Variants in RGS22 observed in about 807,000 individuals in gnomAD.
The protein encoded by RGS22 is regulator of G-protein signaling 22.
In RGS22, 148 loss-of-function variants were observed where a neutral mutation model predicts 172.9. The observed-to-expected ratio is 0.86, with a 90% confidence interval of 0.75 to 0.98. RGS22 has a LOEUF of 0.98. RGS22 is among the 50% of genes least tolerant of loss of function. The probability of loss-of-function intolerance (pLI) is 0.00; values close to 1 mark genes in which losing one functional copy is unlikely to be tolerated. For missense variants in RGS22, 1,347 were observed against 1,440.8 expected, an observed-to-expected ratio of 0.93 and a Z score of 1.05; for synonymous variants, 458 against 480.2, an observed-to-expected ratio of 0.95 and a Z score of 0.60.
intron 23 of RGS22, among the ~76,000 whole-genome samples, chr8:99,976,076 G>C (rs1384082850): frequency 1.3e-5 from 2 of 152,002 alleles, no homozygotes; most frequent in Non-Finnish European, 2.9e-5. Flanking sequence ...TGTAGTCCCA[G>C]CTACTCAGGA....
At chr8:99,975,979 C>A (rs1384957285) in intron 23 of RGS22, among the ~76,000 whole-genome samples, 1 of 152,268 alleles carries the variant, frequency 6.6e-6, no homozygotes, top group Non-Finnish European at 1.5e-5. Context: ...CACTGGAGGT[C>A]AAGAGTTCGC....
At chr8:100,090,805 A>C (rs1812520881) in intron 3 of RGS22, among the ~76,000 whole-genome samples, 1 of 152,164 alleles carries the variant, frequency 6.6e-6, no homozygotes, top group Admixed American at 6.6e-5. Flanking sequence ...GTTGGAAAGT[A>C]AGTAGAGAAA....
intron 18 of RGS22, among the ~76,000 whole-genome samples, chr8:100,000,497 G>A (rs1012645816): frequency 6.6e-6 from 1 of 152,108 alleles, no homozygotes; most frequent in Non-Finnish European, 1.5e-5. Context: ...ACATCCTTAA[G>A]TATAAAATAC....
chr8:100,059,377 G>A (rs139771910), intron 9 of RGS22, among the ~76,000 whole-genome samples: 21 of 151,786 alleles, frequency 1.4e-4, no homozygotes, highest in African/African-American at 5.1e-4. Flanking sequence ...CATTGATATG[G>A]TGCCTACAAG....
intron 23 of RGS22, among the ~76,000 whole-genome samples, chr8:99,972,700 A>G (rs1811493019): frequency 6.6e-6 from 1 of 152,204 alleles, no homozygotes; most frequent in Non-Finnish European, 1.5e-5. Flanking sequence ...AACCACAATG[A>G]GATACCATCT....
intron 11 of RGS22, among the ~76,000 whole-genome samples, chr8:100,045,398 C>T (rs1820609695): frequency 6.6e-6 from 1 of 152,186 alleles, no homozygotes; most frequent in Admixed American, 6.5e-5. Flanking sequence ...AAATTAAAAT[C>T]ATCTGCCTCC....
At chr8:100,026,624 A>G (rs937859357) in intron 14 of RGS22, among the ~76,000 whole-genome samples, 1 of 152,238 alleles carries the variant, frequency 6.6e-6, no homozygotes, top group Non-Finnish European at 1.5e-5. Flanking sequence ...AGTATTTTCA[A>G]GCTGTCATAT....
In RGS22 at chr8:100,038,854, C is replaced by T. The variant is rs142118500; in HGVS notation, c.2166+77G>A. 237 of 804,536 alleles carry T rather than the reference C, an allele frequency of 2.9e-4. No individual in the cohort carries two copies. In the African/African-American group the frequency reaches 3.7e-3, roughly 13 times the overall value. The allele number at this position is 804,536 out of a possible 1,614,324, so 49.8% of individuals were successfully genotyped here. A position where few individuals can be genotyped will look rare whatever the true frequency, so the allele number is the denominator to read the frequency against. The stretch of plus-strand genomic sequence containing the variant: ...TTTTTGCCTGCGATCCCAGATTTCT[C>T]GTTTGGGACTGGACACAATTTTCAT... On this transcript the variant is annotated intron_variant, in intron 14 of 27. Transcript: ENST00000360863.
rs947800193 is a variant in RGS22 at position 100,043,593 on chromosome 8, T to A, written c.1824-1677A>T. 4.6e-5 allele frequency among the ~76,000 whole-genome samples: 7 copies of A among 152,044 alleles called. No homozygotes were observed. In the East Asian group the frequency reaches 1.2e-3, roughly 25 times the overall value. On this transcript the variant is annotated intron_variant, in intron 11 of 27. Transcript: ENST00000360863. ...GAGTTTGAGACCAGCCTGGTCCACA[T>A]GGTGAAACCCCGTCTCTACTAAAAA...
intron 9 of RGS22, among the ~76,000 whole-genome samples, chr8:100,059,592 C>T (rs113293322): frequency 6.6e-4 from 100 of 151,792 alleles, no homozygotes; most frequent in African/African-American, 2.2e-3. Context: ...GAGGATATAA[C>T]AATTTTAAAT....
At position 100,080,288 on chromosome 8, in the gene RGS22, T is replaced by G. The variant is rs747570913; in HGVS notation, c.185A>C (p.Gln62Pro). ...TTTTTTCAGTTGTTTTTCCAGAAAT[T>G]GTGGAGCATCATTAGCTACTTCAAA... ...GVFEVANDAP[Q>P]FLEKQLKKIL... The change falls in exon 4 of 28, where the codon CAA becomes CCA. Residue 62 changes from glutamine (Q) to proline (P), a missense_variant. Gln to Pro is a moderately conservative substitution (Grantham distance 76). Transcript: ENST00000360863. 2 of 1,613,908 alleles carry G rather than the reference T, an allele frequency of 1.2e-6. No individual in the cohort carries two copies. Among genetic ancestry groups the G allele is most frequent in the Non-Finnish European group, 1.7e-6 (2 of 1,179,878 alleles).
At chr8:100,051,859 A>G (rs1647693047) in intron 10 of RGS22, among the ~76,000 whole-genome samples, 1 of 64,088 alleles carries the variant, frequency 1.6e-5, no homozygotes, top group Non-Finnish European at 2.7e-5. Context: ...ATATTTATAT[A>G]TAAATGTTTA....
chr8:100,008,239 C>T (rs909590742), intron 15 of RGS22, 136 bp downstream of exon 15: 28 of 715,178 alleles, frequency 3.9e-5, no homozygotes, highest in South Asian at 3.6e-4. Context: ...GTTTTCACCA[C>T]GTTAGCTAGG....
chr8:100,052,553 G>A (rs1354212012), intron 10 of RGS22, among the ~76,000 whole-genome samples: 12 of 151,888 alleles, frequency 7.9e-5, no homozygotes, highest in Non-Finnish European at 1.8e-4. Flanking sequence ...CGCCTGCCTC[G>A]GCCTCCCAAA....
intron 14 of RGS22, among the ~76,000 whole-genome samples, chr8:100,014,845 G>A (rs1816782565): frequency 1.3e-5 from 2 of 152,116 alleles, no homozygotes; most frequent in East Asian, 3.9e-4. Flanking sequence ...CCCTTTCACT[G>A]AGCTTCTATT....
intron 9 of RGS22, among the ~76,000 whole-genome samples, chr8:100,059,880 T>A (rs1158070611): frequency 2.0e-5 from 3 of 152,212 alleles, no homozygotes; most frequent in Non-Finnish European, 4.4e-5. Flanking sequence ...TAATTTTTCT[T>A]TATTTTAAAA....
chr8:100,006,913 T>C (rs1815785576), intron 15 of RGS22, among the ~76,000 whole-genome samples: 1 of 152,048 alleles, frequency 6.6e-6, no homozygotes, highest in Non-Finnish European at 1.5e-5. Flanking sequence ...TTAGGGAAGT[T>C]AGTTATAATT....
intron 14 of RGS22, among the ~76,000 whole-genome samples, chr8:100,010,061 T>C (rs1283630421): frequency 6.6e-6 from 1 of 152,214 alleles, no homozygotes; most frequent in Non-Finnish European, 1.5e-5. Context: ...TACATTCAAA[T>C]ACAAAGTTTC....
intron 20 of RGS22, among the ~76,000 whole-genome samples, chr8:99,994,423 G>A (rs1814126490): frequency 6.6e-6 from 1 of 152,098 alleles, no homozygotes; most frequent in South Asian, 2.1e-4. Flanking sequence ...AAAGTCTCAG[G>A]ACACAAAATC....
Sources: allele counts gnomAD v4.1 joint callset (sites outside exome capture counted in the v4.1 genomes callset), GRCh38; gene constraint gnomAD v4.1.1; transcripts MANE v1.5; gene names NCBI Gene and HGNC (gene_info 2026-07-23, HGNC 2026-07-21).